SSH1: variants seen among roughly 807,000 people sequenced by gnomAD.
SSH1 encodes the protein slingshot protein phosphatase 1.
In SSH1, 43 loss-of-function variants were observed where a neutral mutation model predicts 79.7. The observed-to-expected ratio is 0.54, with a 90% CI of 0.42 to 0.70. The LOEUF (loss-of-function observed/expected upper bound fraction) is 0.70. SSH1 is among the 30% of genes least tolerant of loss of function. The pLI is 0.00. For missense variants in SSH1, 1,206 were observed against 1,358.8 expected (o/e 0.89, Z 1.77); for synonymous variants, 599 against 538.3 (o/e 1.11, Z -1.56).
intron 2 of SSH1, among the ~76,000 whole-genome samples, chr12:108,845,795 T>G (rs2038887467): frequency 6.6e-6 from 1 of 152,222 alleles, no homozygotes; most frequent in Admixed American, 6.5e-5. Context: ...CCATCTCCAG[T>G]ACGGACACAG....
chr12:108,830,093 C>T (rs1304944759), intron 2 of SSH1, among the ~76,000 whole-genome samples: 5 of 151,862 alleles, frequency 3.3e-5, no homozygotes, highest in African/African-American at 2.4e-5. Context: ...GGAGACAGAT[C>T]TTGTCTCCAG....
chr12:108,828,359 G>T (rs2038383187), intron 2 of SSH1, among the ~76,000 whole-genome samples: 4 of 152,120 alleles, frequency 2.6e-5, no homozygotes, highest in Admixed American at 2.6e-4. Context: ...ACAAGATGGG[G>T]CTGGACTCAC....
chr12:108,853,748 A>G (rs964330311), intron 1 of SSH1, among the ~76,000 whole-genome samples: 11 of 152,154 alleles, frequency 7.2e-5, no homozygotes, highest in South Asian at 2.1e-4. Flanking sequence ...ACAAGGTGAC[A>G]CGCTGTCTCT....
At chr12:108,852,747 C>T in intron 1 of SSH1, 69 bp from the exon 2 acceptor site, 3 of 1,611,418 alleles carry the variant, frequency 1.9e-6, no homozygotes, top group Non-Finnish European at 2.5e-6. Context: ...GGCAGTCTCA[C>T]ATTTTCTACC....
chr12:108,839,253 G>A (rs561495580), intron 2 of SSH1, among the ~76,000 whole-genome samples: 16 of 152,232 alleles, frequency 1.1e-4, no homozygotes, highest in African/African-American at 3.9e-4. Flanking sequence ...CATGAGGTGG[G>A]GCCTGGTCAG....
intron 10 of SSH1, 137 bp downstream of exon 10, chr12:108,804,919 C>T (rs1393476503): frequency 1.9e-6 from 2 of 1,046,596 alleles, no homozygotes; most frequent in Non-Finnish European, 2.8e-6. Flanking sequence ...GAGGGGAGCT[C>T]CTGCCAGCCA....
At chr12:108,796,836 G>A (rs571932035) in intron 13 of SSH1, among the ~76,000 whole-genome samples, 7 of 151,508 alleles carry the variant, frequency 4.6e-5, no homozygotes, top group East Asian at 1.9e-4. Flanking sequence ...TCCACCTCCC[G>A]GGTTCAAGCA....
intron 2 of SSH1, among the ~76,000 whole-genome samples, chr12:108,845,251 C>T (rs367738523): frequency 6.0e-5 from 9 of 151,116 alleles, no homozygotes; most frequent in South Asian, 4.2e-4. Context: ...CCAAGAACCA[C>T]GTGAGCTTAA....
chr12:108,820,294 G>C (rs988702231), intron 3 of SSH1, among the ~76,000 whole-genome samples: 1 of 152,120 alleles, frequency 6.6e-6, no homozygotes, highest in African/African-American at 2.4e-5. Context: ...TGTTGACCCT[G>C]CTTCCTATGA....
chr12:108,828,553 GTGTGTGAA>G (rs1593104354), intron 2 of SSH1, among the ~76,000 whole-genome samples: 1 of 152,202 alleles, frequency 6.6e-6, no homozygotes, highest in Non-Finnish European at 1.5e-5. Context: ...CTTCTTCCCA[GTGTGTGAA>G]TGCATCATGC....
chr12:108,836,019 TAATATAATCGATTATATTA>T (rs2038615257), intron 2 of SSH1, among the ~76,000 whole-genome samples: 4 of 145,106 alleles, frequency 2.8e-5, no homozygotes, highest in South Asian at 4.2e-4. Context: ...ATAACTATAT[TAATATAATCGATTATATTA>T]ATATTAATAT....
chr12:108,799,802 T>G (rs1305539903), intron 12 of SSH1, among the ~76,000 whole-genome samples: 2 of 152,234 alleles, frequency 1.3e-5, no homozygotes, highest in Non-Finnish European at 2.9e-5. Flanking sequence ...GAGGCAGTGC[T>G]GGCCCAGGCC....
chr12:108,841,309 T>A lies in SSH1; in HGVS notation c.110+11329A>T, dbSNP rs140369345. On this transcript the variant is annotated intron_variant, in intron 2 of 14. Transcript: ENST00000326495. ...GTGCACGCTCACGCAATGTGCTAAG[T>A]GCACAGGAAGGAGACCAGAGCCCTG... Among the ~76,000 whole-genome samples the A allele has an allele frequency of 2.0e-5, 3 of 152,390 alleles. No homozygotes were observed. In the East Asian group the frequency reaches 5.8e-4, roughly 29 times the overall value.
intron 12 of SSH1, among the ~76,000 whole-genome samples, 174 bp from the exon 13 acceptor site, chr12:108,799,374 C>T (rs1012222967): frequency 2.0e-5 from 3 of 152,188 alleles, no homozygotes; most frequent in Admixed American, 2.0e-4. Context: ...AGCAGATGTC[C>T]ACGCACTCTC....
Position 108,800,956 on chromosome 12 carries a change from T to C in SSH1, c.1002-30A>G, listed in dbSNP as rs373292341. The C allele has an allele frequency of 3.5e-5, 56 of 1,603,524 alleles. No individual in the cohort carries two copies. The African/African-American group carries it at 6.7e-4, about 19-fold the overall frequency. On this transcript the variant is annotated intron_variant, in intron 11 of 14. Transcript: ENST00000326495. ...AATGAGAAAAAAATAAGAAACAAAT[T>C]TGGACAATCTGAATGAGAAAGAAAA...
intron 13 of SSH1, 134 bp downstream of exon 13, chr12:108,798,866 G>A: frequency 1.0e-6 from 1 of 973,524 alleles, no homozygotes; most frequent in South Asian, 1.3e-5. Flanking sequence ...CCCCTGAGAG[G>A]CAGGATTTTG....
At chr12:108,829,837 C>T (rs939064083) in intron 2 of SSH1, among the ~76,000 whole-genome samples, 1 of 152,168 alleles carries the variant, frequency 6.6e-6, no homozygotes, top group African/African-American at 2.4e-5. Context: ...CATGGTAGCT[C>T]ATGCCTGTAA....
In SSH1 at chr12:108,785,961, T is replaced by C. The variant is rs536297654; in HGVS notation, c.*2027A>G. 4 of 152,320 alleles carry C rather than the reference T, an allele frequency of 2.6e-5. No individual in the cohort carries two copies. Among genetic ancestry groups the C allele is most frequent in the Admixed American group, 1.3e-4 (2 of 15,304 alleles). The allele number at this position is 152,320 out of a possible 1,614,324, so 9.4% of individuals were successfully genotyped here. A position where few individuals can be genotyped will look rare whatever the true frequency, so the allele number is the denominator to read the frequency against. On this transcript the variant is annotated 3_prime_UTR_variant, in exon 15 of 15. Transcript: ENST00000326495. ...TAATCACCTTTTAAGGTGATTTTAATTGACACTAGTGGGAAAACAGCTCCC... is the reference window on the plus strand; with the variant it reads ...TAATCACCTTTTAAGGTGATTTTAACTGACACTAGTGGGAAAACAGCTCCC...
chr12:108,803,957 G>A (rs1248304156), intron 10 of SSH1, among the ~76,000 whole-genome samples: 1 of 152,088 alleles, frequency 6.6e-6, no homozygotes, highest in African/African-American at 2.4e-5. Context: ...AGTCTTTCTT[G>A]TCTCTAGTAG....
Sources: allele counts gnomAD v4.1 joint callset (sites outside exome capture counted in the v4.1 genomes callset), GRCh38; gene constraint gnomAD v4.1.1; transcripts MANE v1.5; gene names NCBI Gene and HGNC (gene_info 2026-07-23, HGNC 2026-07-21).